The following IFI44L variants were observed in gnomAD, a reference collection of about 807,000 sequenced individuals.
IFI44L encodes the protein interferon induced protein 44 like, also known as interferon-induced protein 44-like.
IFI44L carries 40 observed loss-of-function variants against 39.3 expected under a neutral mutation model. The observed-to-expected ratio is 1.02, with a 90% CI of 0.79 to 1.33. The LOEUF (loss-of-function observed/expected upper bound fraction) is 1.33, where lower values mean the gene tolerates loss of function less well. IFI44L is among the 40% of genes most tolerant of loss of function. IFI44L has a pLI of 0.00. For missense variants in IFI44L, 623 were observed against 549.0 expected (o/e 1.13, Z -1.35); for synonymous variants, 198 against 182.3 (o/e 1.09, Z -0.69).
rs1647030778 is a variant in IFI44L, at chr1:78,644,897, G to C, written c.*3088G>C. On this transcript the variant is annotated 3_prime_UTR_variant, in exon 9 of 9. Transcript: ENST00000370751. ...GTTGCATTAGAAAGTGACTGTTTCT[G>C]ACAGAAATTTGTAGCTTTGTGCAAA... 1 of 152,166 alleles carries C rather than the reference G, an allele frequency of 6.6e-6. No individual in the cohort carries two copies. The highest frequency in any genetic ancestry group is 2.4e-5 in the African/African-American group (1 of 41,434). 9.4% of individuals were successfully genotyped at this position (152,166 alleles called of 1,614,324 possible).
chr1:78,639,068 C>T (rs35027639), intron 6 of IFI44L, among the ~76,000 whole-genome samples: 30,079 of 151,994 alleles, frequency 0.2, 3,615 homozygotes, highest in Middle Eastern at 0.26. Flanking sequence ...CCTGACATCA[C>T]AGGGGCTAGA....
rs562642587 is a variant in IFI44L at position 78,644,276 on chromosome 1, C to T, written c.*2467C>T. On this transcript the variant is annotated 3_prime_UTR_variant, in exon 9 of 9. Coordinates refer to ENST00000370751, the MANE Select transcript of IFI44L (RefSeq NM_006820.4). The stretch of plus-strand genomic sequence containing the variant: ...GTGCCCTTATGAAGGAGTTGGAGAT[C>T]CTGCAAGGAAGAGAAGGAGTGAAGG... 6.6e-6 allele frequency: 1 copy of T among 152,194 alleles called. No individual in the cohort carries two copies. Among genetic ancestry groups the T allele is most frequent in the African/African-American group, 2.4e-5 (1 of 41,512 alleles). 9.4% of individuals were successfully genotyped at this position (152,194 alleles called of 1,614,324 possible).
Position 78,627,954 on chromosome 1 carries a change from T to C in IFI44L, c.39T>C (p.Asn13=). The part of the protein sequence containing the change: ...VTTRLTWNDE[N]HLRKLLGNVS... ...CAAGATTGACATGGAATGATGAAAA[T>C]CATCTGCGCAAGCTGCTTGGAAATG... Residue 13 remains asparagine (N), a synonymous_variant, in exon 2 of 9, where the codon AAT becomes AAC. Coordinates refer to ENST00000370751, the MANE Select transcript of IFI44L (RefSeq NM_006820.4). 6.2e-7 allele frequency: 1 copy of C among 1,606,266 alleles called. No homozygotes were observed. The highest frequency in any genetic ancestry group is 8.5e-7 in the Non-Finnish European group (1 of 1,176,950).
At chr1:78,623,396 GTTTTTTTTTTTTTTTTTTTTTT>G (rs71078508) in intron 1 of IFI44L, among the ~76,000 whole-genome samples, 1 of 121,326 alleles carries the variant, frequency 8.2e-6, no homozygotes, top group African/African-American at 3.5e-5. Context: ...AGTGTTTTTT[GTTTTTTTTTTTTTTTTTTTTTT>G]TTTTTTTTAA....
chr1:78,641,280 C>T (rs2100397690), intron 7 of IFI44L, among the ~76,000 whole-genome samples, 155 bp from the exon 8 acceptor site: 1 of 152,244 alleles, frequency 6.6e-6, no homozygotes, highest in Non-Finnish European at 1.5e-5. Flanking sequence ...ATTTATATCA[C>T]ACTTTAAAAC....
rs1443723105 is a variant in IFI44L, at chr1:78,645,272, T to C, written c.*3463T>C. ...TATAACTGTTGCTAATAAGAATGTG[T>C]ATTGTTCAGGACAACTTGTCTCCAT... On this transcript the variant is annotated 3_prime_UTR_variant, in exon 9 of 9. Transcript: ENST00000370751. The C allele has an allele frequency of 1.3e-5, 2 of 152,214 alleles. No individual in the cohort carries two copies. The highest frequency in any genetic ancestry group is 2.1e-4 in the South Asian group (1 of 4,834). The allele number at this position is 152,214 out of a possible 1,614,324, so 9.4% of individuals were successfully genotyped here.
Position 78,641,589 on chromosome 1 carries a change from A to G in IFI44L, c.1304A>G (p.Asp435Gly). 6.2e-7 allele frequency: 1 copy of G among 1,613,480 alleles called. No homozygotes were observed. The highest frequency in any genetic ancestry group is 1.1e-5 in the South Asian group (1 of 91,070). Residue 435 changes from aspartate (D) to glycine (G), a missense_variant, in exon 8 of 9, where the codon GAT becomes GGT. Transcript: ENST00000370751. ...MLRAADDFLEDLPLEETGAIE... is the reference protein window; with the variant it reads ...MLRAADDFLEGLPLEETGAIE... The stretch of plus-strand genomic sequence containing the variant: ...CGGGCTGCAGATGATTTTTTAGAAG[A>G]TTTGCCTCTTGAGGAAACTGGTAAT...
intron 7 of IFI44L, 60 bp from the exon 8 acceptor site, chr1:78,641,375 A>G: frequency 6.8e-7 from 1 of 1,480,786 alleles, no homozygotes; most frequent in Non-Finnish European, 9.2e-7. Flanking sequence ...TGTATTTAAA[A>G]TTGGTCAAAT....
chr1:78,642,116 C>G lies in IFI44L; in HGVS notation c.*307C>G, dbSNP rs983334633. On this transcript the variant is annotated 3_prime_UTR_variant, in exon 9 of 9. Transcript: ENST00000370751. ...TTCTTCTATAACACTCTATATAGAG[C>G]TATGTGAGTACTAATCACATTGAAT... The G allele has an allele frequency of 1.3e-5, 6 of 449,892 alleles. No homozygotes were observed. The allele number at this position is 449,892 out of a possible 1,614,324, so 27.9% of individuals were successfully genotyped here.
At position 78,635,304 on chromosome 1, in the gene IFI44L, T is replaced by A. The variant is rs771554443; in HGVS notation, c.724-33T>A. 4.0e-6 allele frequency: 6 copies of A among 1,485,712 alleles called. No individual in the cohort carries two copies. In the Admixed American group the frequency reaches 1.1e-4, roughly 27 times the overall value. 92.0% of individuals were successfully genotyped at this position (1,485,712 alleles called of 1,614,324 possible). The stretch of plus-strand genomic sequence containing the variant: ...CATGTCTTGAATGCTGGGTGATGAA[T>A]GAACCTTTACACTTAATGTATTTTT... On this transcript the variant is annotated intron_variant, in intron 4 of 8. Transcript: ENST00000370751.
rs200570011 is a variant in IFI44L, at chr1:78,628,266, G to A, written c.351G>A (p.Ser117=). ...ATGAGCAACTGGTGTGTCGTTTATC[G>A]AAAACGGATATTTTCATTATATGTC... The part of the protein sequence containing the change: ...IIDEQLVCRL[S]KTDIFIICRD... The change falls in exon 2 of 9, where the codon TCG becomes TCA. Residue 117 remains serine (S), a synonymous_variant. Transcript: ENST00000370751. 33 of 1,610,136 alleles carry A rather than the reference G, an allele frequency of 2.0e-5. No individual in the cohort carries two copies. Among genetic ancestry groups the A allele is most frequent in the South Asian group, 1.2e-4 (11 of 90,604 alleles).
At chr1:78,622,844 C>T (rs1465797015) in intron 1 of IFI44L, among the ~76,000 whole-genome samples, 15 of 152,180 alleles carry the variant, frequency 9.9e-5, no homozygotes, top group Non-Finnish European at 1.5e-5. Flanking sequence ...CTGCTAACAA[C>T]CATAGGAGCT....
Position 78,641,161 on chromosome 1 carries a change from T to C in IFI44L, c.1149+40T>C, listed in dbSNP as rs746083822. On this transcript the variant is annotated intron_variant, in intron 7 of 8. Coordinates refer to ENST00000370751, the MANE Select transcript of IFI44L (RefSeq NM_006820.4). ...TCATAACCAGATATTATTGTAATAGTATCACAATCATACGTGTGTGTGTTT... is the reference window on the plus strand; with the variant it reads ...TCATAACCAGATATTATTGTAATAGCATCACAATCATACGTGTGTGTGTTT... 3.0e-6 allele frequency: 4 copies of C among 1,336,560 alleles called. No individual in the cohort carries two copies. In the East Asian group the frequency reaches 9.2e-5, roughly 31 times the overall value. The allele number at this position is 1,336,560 out of a possible 1,614,324, so 82.8% of individuals were successfully genotyped here. A position where few individuals can be genotyped will look rare whatever the true frequency, so the allele number is the denominator to read the frequency against.
rs557376605 is a variant in IFI44L at position 78,632,326 on chromosome 1, T to C, written c.723+2411T>C. On this transcript the variant is annotated intron_variant, in intron 4 of 8. Coordinates refer to ENST00000370751, the MANE Select transcript of IFI44L (RefSeq NM_006820.4). Reference sequence around the variant, plus strand: ...CAAACTTTGAGAAACCTGTATTCACTATTCTGAGCCTGACAGCTTTTCAAC... The same window carrying C: ...CAAACTTTGAGAAACCTGTATTCACCATTCTGAGCCTGACAGCTTTTCAAC... 4.2e-4 allele frequency among the ~76,000 whole-genome samples: 64 copies of C among 152,322 alleles called. No individual in the cohort carries two copies. The South Asian group carries it at 0.012, about 30-fold the overall frequency.
chr1:78,634,038 CAG>C (rs1369145239), intron 4 of IFI44L, among the ~76,000 whole-genome samples: 3 of 151,650 alleles, frequency 2.0e-5, no homozygotes, highest in African/African-American at 7.3e-5. Flanking sequence ...AATAAAAAAA[CAG>C]AATGAAGAGG....
At chr1:78,629,318 A>C (rs918168227) in intron 3 of IFI44L, among the ~76,000 whole-genome samples, 6 of 152,160 alleles carry the variant, frequency 3.9e-5, no homozygotes, top group Non-Finnish European at 7.4e-5. Flanking sequence ...AATGTCAAAA[A>C]CAAACTTTCT....
At chr1:78,632,750 T>C (rs1470282085) in intron 4 of IFI44L, among the ~76,000 whole-genome samples, 1 of 152,196 alleles carries the variant, frequency 6.6e-6, no homozygotes, top group Admixed American at 6.5e-5. Context: ...TGAAACAACA[T>C]ATCAAGAGAT....
chr1:78,640,019 A>G (rs1160674184), intron 6 of IFI44L, among the ~76,000 whole-genome samples: 2 of 152,132 alleles, frequency 1.3e-5, no homozygotes, highest in Non-Finnish European at 2.9e-5. Flanking sequence ...TAAACTGTCT[A>G]ACAAAAGTCT....
chr1:78,632,022 T>C (rs549778817), intron 4 of IFI44L, among the ~76,000 whole-genome samples: 2 of 152,308 alleles, frequency 1.3e-5, no homozygotes, highest in East Asian at 3.9e-4. Flanking sequence ...CATTTTGATA[T>C]TCAGTGTGAT....
Sources: allele counts gnomAD v4.1 joint callset (sites outside exome capture counted in the v4.1 genomes callset), GRCh38; gene constraint gnomAD v4.1.1; transcripts MANE v1.5; gene names NCBI Gene and HGNC (gene_info 2026-07-23, HGNC 2026-07-21).